Variants in DNAH14 observed in about 807,000 individuals in gnomAD.
The protein encoded by DNAH14 is dynein axonemal heavy chain 14.
In DNAH14, 478 loss-of-function variants were observed where a neutral mutation model predicts 520.9. The observed-to-expected ratio is 0.92, with a 90% CI of 0.85 to 0.99. DNAH14 has a LOEUF of 0.99. DNAH14 is among the 50% of genes least tolerant of loss of function. The pLI, the probability that DNAH14 is intolerant of heterozygous loss-of-function variation, is 0.00. For synonymous variants in DNAH14, 1,581 were observed against 1,757.2 expected (o/e 0.90, Z 2.51); for missense variants, 4,831 against 5,234.5 (o/e 0.92, Z 2.38).
At chr1:225,044,116 C>A in intron 15 of DNAH14, 133 bp downstream of exon 15, 1 of 560,210 alleles carries the variant, frequency 1.8e-6, no homozygotes. Flanking sequence ...ATGCACAGTC[C>A]TTGGGATCAA....
chr1:225,020,857 A>C (rs995351591), intron 10 of DNAH14, among the ~76,000 whole-genome samples: 3 of 152,164 alleles, frequency 2.0e-5, no homozygotes, highest in Admixed American at 6.5e-5. Context: ...GAGACACAAC[A>C]AGAAAAGAAA....
Position 225,050,373 on chromosome 1 carries a change from T to C in DNAH14, c.2076T>C (p.Asn692=). The part of the protein sequence containing the change: ...ILFETDPAYQ[N]IIVNLLTIIG... ...TTGAAACAGATCCTGCCTACCAAAA[T>C]ATAGTAAGTTTTAAAACAGTTCATT... The change falls in exon 16 of 86, where the codon AAT becomes AAC. Residue 692 remains asparagine, a synonymous_variant. Transcript: ENST00000682510. The C allele has an allele frequency of 6.5e-7, 1 of 1,541,016 alleles. No homozygotes were observed. The highest frequency in any genetic ancestry group is 1.2e-5 in the South Asian group (1 of 80,272).
At chr1:225,219,483 C>G (rs1282404464) in intron 41 of DNAH14, among the ~76,000 whole-genome samples, 1 of 151,980 alleles carries the variant, frequency 6.6e-6, no homozygotes, top group Non-Finnish European at 1.5e-5. Context: ...GAGATCACCA[C>G]TGATCCCACA....
At chr1:225,068,409 T>C (rs2071164899) in intron 17 of DNAH14, among the ~76,000 whole-genome samples, 1 of 152,100 alleles carries the variant, frequency 6.6e-6, no homozygotes, top group Non-Finnish European at 1.5e-5. Flanking sequence ...TCTCTTTGAT[T>C]GGATTGTCTT....
rs374825531 is a variant in DNAH14 at position 225,284,182 on chromosome 1, C to T, written c.8272-5703C>T. Reference sequence around the variant, plus strand: ...GAGAAGAAAGTAGAGAATATAAAACCAGTAGGGAATACCAATAAAACCAAA... The same window carrying T: ...GAGAAGAAAGTAGAGAATATAAAACTAGTAGGGAATACCAATAAAACCAAA... On this transcript the variant is annotated intron_variant, in intron 54 of 85. Coordinates refer to ENST00000682510, the MANE Select transcript of DNAH14 (RefSeq NM_001367479.1). 1.1e-4 allele frequency among the ~76,000 whole-genome samples: 17 copies of T among 151,588 alleles called. No individual in the cohort carries two copies. The East Asian group carries it at 3.1e-3, about 28-fold the overall frequency.
chr1:225,399,188 A>G lies in DNAH14; in HGVS notation c.13773A>G (p.Ser4591=), dbSNP rs1347589485. The part of the protein sequence containing the change: ...TTGLPTNFLT[S]VYLSTKKPPS... ...GTTTACCAACAAACTTTTTAACATC[A>G]GTGTATTTATCAACGAAGAAACCTC... Residue 4591 remains serine, a synonymous_variant, in exon 86 of 86, where the codon TCA becomes TCG. Coordinates refer to ENST00000682510, the MANE Select transcript of DNAH14 (RefSeq NM_001367479.1). 1.3e-6 allele frequency: 2 copies of G among 1,551,766 alleles called. No homozygotes were observed. Among genetic ancestry groups the G allele is most frequent in the South Asian group, 2.4e-5 (2 of 84,064 alleles).
In DNAH14 at chr1:225,276,655, T is replaced by C. The variant is rs781379146; in HGVS notation, c.8178+574T>C. ...GCTTGTGCCTATAATCCTAGCCCTT[T>C]GGGAGGCTGAGGCAGGAGGATCACT... is the stretch of plus-strand genomic sequence containing the variant. On this transcript the variant is annotated intron_variant, in intron 53 of 85. Transcript: ENST00000682510. 3.4e-4 allele frequency among the ~76,000 whole-genome samples: 52 copies of C among 152,068 alleles called. 1 individual carries two copies. Among genetic ancestry groups the C allele is most frequent in the Non-Finnish European group, 5.4e-4 (37 of 67,994 alleles).
chr1:225,379,374 G>T (rs1423262020), intron 79 of DNAH14, among the ~76,000 whole-genome samples: 2 of 152,102 alleles, frequency 1.3e-5, no homozygotes, highest in Non-Finnish European at 2.9e-5. Flanking sequence ...GAATTCCATG[G>T]TCTCTGTAAG....
At chr1:225,374,660 A>G (rs1449727077) in intron 77 of DNAH14, 28 bp from the exon 78 acceptor site, 2 of 1,504,162 alleles carry the variant, frequency 1.3e-6, no homozygotes, top group Non-Finnish European at 1.8e-6. Context: ...ACATACTGAA[A>G]TAATAAAGAC....
At position 225,056,724 on chromosome 1, in the gene DNAH14, G is replaced by C. The variant is rs367937761; in HGVS notation, c.2424+4929G>C. On this transcript the variant is annotated intron_variant, in intron 17 of 85. Transcript: ENST00000682510. ...ATTTTTGTATAAGGTGTAAGGAAGG[G>C]ATCCAGTTTCAGCTTTCTACATATG... Among the ~76,000 whole-genome samples the C allele has an allele frequency of 4.6e-5, 7 of 152,254 alleles. 1 individual carries two copies. The East Asian group carries it at 1.2e-3, about 25-fold the overall frequency.
chr1:225,293,067 T>C (rs570954221), intron 55 of DNAH14, among the ~76,000 whole-genome samples: 60 of 152,078 alleles, frequency 3.9e-4, no homozygotes, highest in Non-Finnish European at 7.4e-4. Flanking sequence ...AATTATATGT[T>C]AAAAAGCTCA....
intron 41 of DNAH14, among the ~76,000 whole-genome samples, chr1:225,227,128 A>G (rs762547679): frequency 2.0e-5 from 3 of 151,732 alleles, no homozygotes; most frequent in Non-Finnish European, 4.4e-5. Context: ...AACTGCAAAG[A>G]GGCCTTCCTC....
At chr1:225,057,777 T>A (rs1238795306) in intron 17 of DNAH14, among the ~76,000 whole-genome samples, 3 of 152,204 alleles carry the variant, frequency 2.0e-5, no homozygotes, top group African/African-American at 7.2e-5. Context: ...TCTACATCTA[T>A]TGAGATAGTC....
Position 225,025,662 on chromosome 1 carries a change from G to T in DNAH14, c.1358+1797G>T, listed in dbSNP as rs191742966. ...CCCAGCTCCTCGGGAGGCTGAGGTG[G>T]GAGGATCACTTGAGCCCAGGAGGTT... On this transcript the variant is annotated intron_variant, in intron 11 of 85. Coordinates refer to ENST00000682510, the MANE Select transcript of DNAH14 (RefSeq NM_001367479.1). Among the ~76,000 whole-genome samples the T allele has an allele frequency of 7.1e-3, 1,078 of 152,124 alleles. 8 individuals are homozygous for T. Among genetic ancestry groups the T allele is most frequent in the African/African-American group, 0.024 (1,011 of 41,506 alleles).
At chr1:225,055,304 C>G (rs147565654) in intron 17 of DNAH14, among the ~76,000 whole-genome samples, 28 of 152,278 alleles carry the variant, frequency 1.8e-4, no homozygotes, top group African/African-American at 6.7e-4. Context: ...AACTCCCACT[C>G]CCTTACCCAA....
At chr1:224,993,040 C>A (rs2063160496) in intron 8 of DNAH14, among the ~76,000 whole-genome samples, 1 of 152,066 alleles carries the variant, frequency 6.6e-6, no homozygotes, top group Admixed American at 6.5e-5. Context: ...ATTCTTGCAT[C>A]CCAGGGTTAA....
intron 54 of DNAH14, 23 bp from the exon 55 acceptor site, chr1:225,289,862 G>A (rs1318480686): frequency 7.5e-7 from 1 of 1,324,522 alleles, no homozygotes. Context: ...TATGTCATGT[G>A]TTGTATTTCT....
At chr1:225,121,705 G>A (rs753257278) in intron 26 of DNAH14, among the ~76,000 whole-genome samples, 5 of 152,062 alleles carry the variant, frequency 3.3e-5, no homozygotes, top group South Asian at 4.2e-4. Flanking sequence ...GCCAGGCATG[G>A]TGATGCACAC....
chr1:225,212,935 G>A (rs1469665592), intron 41 of DNAH14, among the ~76,000 whole-genome samples: 1 of 152,146 alleles, frequency 6.6e-6, no homozygotes, highest in African/African-American at 2.4e-5. Flanking sequence ...TGTCAATTTT[G>A]GCTTTTGTTG....
Sources: gnomAD v4.1 joint callset for allele counts (sites outside exome capture counted in the v4.1 genomes callset) on GRCh38, gnomAD v4.1.1 for gene constraint, MANE v1.5 for transcripts, NCBI Gene and HGNC (gene_info 2026-07-23, HGNC 2026-07-21) for gene names.